Variants in GALNTL6 observed in about 807,000 individuals in gnomAD.
GALNTL6 encodes polypeptide N-acetylgalactosaminyltransferase like 6.
In GALNTL6, 46 loss-of-function variants were observed where a neutral mutation model predicts 73.7. The observed-to-expected ratio is 0.62, with a 90% CI of 0.49 to 0.80. The LOEUF (loss-of-function observed/expected upper bound fraction) is 0.80, where lower values mean the gene tolerates loss of function less well. Ranked by LOEUF, GALNTL6 falls within the 30% of genes least tolerant of loss-of-function variation. GALNTL6 has a pLI of 0.00. For missense variants in GALNTL6, 604 were observed against 755.0 expected, an observed-to-expected ratio of 0.80 and a Z score of 2.34; for synonymous variants, 259 against 263.7, an observed-to-expected ratio of 0.98 and a Z score of 0.17.
At chr4:171,947,449 G>C (rs1738737811) in intron 2 of GALNTL6, among the ~76,000 whole-genome samples, 1 of 151,684 alleles carries the variant, frequency 6.6e-6, no homozygotes, top group African/African-American at 2.4e-5. Context: ...AGAGGCAACA[G>C]AATGCTGCCT....
At chr4:172,851,417 T>C (rs980957442) in intron 7 of GALNTL6, among the ~76,000 whole-genome samples, 13 of 150,786 alleles carry the variant, frequency 8.6e-5, no homozygotes, top group African/African-American at 1.9e-4. Context: ...TATATATATA[T>C]ACACACACAC....
At chr4:172,811,452 C>T (rs141903550) in intron 6 of GALNTL6, among the ~76,000 whole-genome samples, 97 of 152,224 alleles carry the variant, frequency 6.4e-4, no homozygotes, top group African/African-American at 2.2e-3. Flanking sequence ...TCACTGAAAC[C>T]TTAATACTAA....
chr4:172,885,204 A>G (rs1022323243), intron 8 of GALNTL6, among the ~76,000 whole-genome samples: 3 of 152,094 alleles, frequency 2.0e-5, no homozygotes, highest in Non-Finnish European at 4.4e-5. Context: ...TATTTAGATC[A>G]TTTCTGGTAG....
chr4:171,874,523 G>T (rs1430480517), intron 2 of GALNTL6, among the ~76,000 whole-genome samples: 1 of 152,134 alleles, frequency 6.6e-6, no homozygotes, highest in East Asian at 1.9e-4. Flanking sequence ...CTAGGGAAAA[G>T]TCATTCTAGG....
At position 172,586,878 on chromosome 4, in the gene GALNTL6, G is replaced by A. The variant is rs564412811; in HGVS notation, c.554-222483G>A. Among the ~76,000 whole-genome samples the A allele has an allele frequency of 8.5e-5, 13 of 152,278 alleles. No homozygotes were observed. The South Asian group carries it at 2.3e-3, about 27-fold the overall frequency. On this transcript the variant is annotated intron_variant, in intron 5 of 12. Coordinates refer to ENST00000506823, the MANE Select transcript of GALNTL6 (RefSeq NM_001034845.3). Reference sequence around the variant, plus strand: ...GTAGAGCAAGTGTTGGCCTAAAAACGTCTCCTGATTCCTTGTGCCAAACTT... The same window carrying A: ...GTAGAGCAAGTGTTGGCCTAAAAACATCTCCTGATTCCTTGTGCCAAACTT...
chr4:171,882,776 C>T (rs1032789688), intron 2 of GALNTL6, among the ~76,000 whole-genome samples: 3 of 152,156 alleles, frequency 2.0e-5, no homozygotes, highest in African/African-American at 7.2e-5. Context: ...TTGGCAACAC[C>T]CTCACAGCCA....
chr4:172,346,141 C>T lies in GALNTL6; in HGVS notation c.387-2382C>T, dbSNP rs1016890919. Reference sequence around the variant, plus strand: ...GATGTGCCAGCATCATCTGCTAGAGCTTATCTCTCATGAGCCTGTTCCTCC... The same window carrying T: ...GATGTGCCAGCATCATCTGCTAGAGTTTATCTCTCATGAGCCTGTTCCTCC... On this transcript the variant is annotated intron_variant, in intron 4 of 12. Transcript: ENST00000506823. Among the ~76,000 whole-genome samples the T allele has an allele frequency of 3.3e-5, 5 of 152,294 alleles. No individual in the cohort carries two copies. In the East Asian group the frequency reaches 5.8e-4, roughly 18 times the overall value.
chr4:173,002,602 G>T (rs1204765829), intron 10 of GALNTL6, among the ~76,000 whole-genome samples: 2 of 151,602 alleles, frequency 1.3e-5, no homozygotes, highest in Middle Eastern at 3.4e-3. Context: ...AGACCATCCT[G>T]GCTAATAAGG....
intron 5 of GALNTL6, among the ~76,000 whole-genome samples, chr4:172,485,612 T>G (rs1382951460): frequency 6.6e-6 from 1 of 152,160 alleles, no homozygotes; most frequent in Non-Finnish European, 1.5e-5. Flanking sequence ...ATATTTATTA[T>G]GTGCCTGCTG....
chr4:171,970,620 T>C (rs1007631905), intron 2 of GALNTL6, among the ~76,000 whole-genome samples: 5 of 152,186 alleles, frequency 3.3e-5, no homozygotes, highest in African/African-American at 1.2e-4. Flanking sequence ...ATTAGCCCAA[T>C]ACTTTATATG....
intron 3 of GALNTL6, among the ~76,000 whole-genome samples, chr4:172,275,911 T>C (rs2036488): frequency 0.64 from 97,419 of 151,958 alleles, 33,069 homozygotes; most frequent in African/African-American, 0.89. Flanking sequence ...GAGCCAAGTT[T>C]GTGCCGCTGC....
At chr4:172,703,782 T>G (rs1734169730) in intron 5 of GALNTL6, among the ~76,000 whole-genome samples, 1 of 152,136 alleles carries the variant, frequency 6.6e-6, no homozygotes, top group East Asian at 1.9e-4. Context: ...TAGTTCTTCT[T>G]TAACAGTGTG....
At chr4:171,824,077 T>TTTTATATATATATATATATATATA (rs1301842709) in intron 2 of GALNTL6, among the ~76,000 whole-genome samples, 1 of 129,218 alleles carries the variant, frequency 7.7e-6, no homozygotes, top group Admixed American at 7.6e-5. Flanking sequence ...CAAATCCATT[T>TTTTATATATATATATATATATATA]TATATATATA....
At chr4:172,128,772 G>T (rs1316612594) in intron 2 of GALNTL6, among the ~76,000 whole-genome samples, 1 of 152,086 alleles carries the variant, frequency 6.6e-6, no homozygotes, top group Non-Finnish European at 1.5e-5. Flanking sequence ...TTTGTTTGTT[G>T]TTTGCCAGTC....
At position 172,507,521 on chromosome 4, in the gene GALNTL6, A is replaced by T. The variant is rs1288187949; in HGVS notation, c.553+158832A>T. On this transcript the variant is annotated intron_variant, in intron 5 of 12. Coordinates refer to ENST00000506823, the MANE Select transcript of GALNTL6 (RefSeq NM_001034845.3). ...CTCCTCCTACATGCCAAGTTCATTCATTCTCTAGGGCCTTTGCATAGAGCT... is the reference window on the plus strand; with the variant it reads ...CTCCTCCTACATGCCAAGTTCATTCTTTCTCTAGGGCCTTTGCATAGAGCT... Among the ~76,000 whole-genome samples, 4 of 54,288 alleles carry T rather than the reference A, an allele frequency of 7.4e-5. 1 individual carries two copies. The highest frequency in any genetic ancestry group is 1.7e-4 in the Non-Finnish European group (4 of 23,708). 35.6% of individuals were successfully genotyped at this position (54,288 alleles called of 152,430 possible).
chr4:172,635,308 T>A (rs1019135463), intron 5 of GALNTL6, among the ~76,000 whole-genome samples: 80 of 152,284 alleles, frequency 5.3e-4, no homozygotes, highest in African/African-American at 1.8e-3. Context: ...TTATTTCAAA[T>A]TTAATTCAAA....
chr4:172,337,851 A>G (rs1434363452), intron 4 of GALNTL6, among the ~76,000 whole-genome samples: 1 of 151,966 alleles, frequency 6.6e-6, no homozygotes, highest in African/African-American at 2.4e-5. Context: ...TTGCATTATT[A>G]TCTCAAATAT....
chr4:172,597,689 C>T (rs1737914855), intron 5 of GALNTL6, among the ~76,000 whole-genome samples: 2 of 152,036 alleles, frequency 1.3e-5, no homozygotes, highest in Non-Finnish European at 2.9e-5. Flanking sequence ...TACATTCAGC[C>T]AAGTTTAATT....
chr4:172,000,985 T>A (rs1172151951), intron 2 of GALNTL6, among the ~76,000 whole-genome samples: 1 of 152,190 alleles, frequency 6.6e-6, no homozygotes, highest in Non-Finnish European at 1.5e-5. Context: ...GAGAAAGATA[T>A]GTTCTACCTG....
Sources: gnomAD v4.1 joint callset for allele counts (sites outside exome capture counted in the v4.1 genomes callset) on GRCh38, gnomAD v4.1.1 for gene constraint, MANE v1.5 for transcripts, NCBI Gene and HGNC (gene_info 2026-07-23, HGNC 2026-07-21) for gene names.